LRPAP1: variants seen among roughly 807,000 people sequenced by gnomAD.
LRPAP1 encodes the protein LDL receptor related protein associated protein 1.
A neutral mutation model predicts 39.9 loss-of-function variants in LRPAP1; 41 were observed. The observed-to-expected ratio is 1.03, with a 90% CI of 0.80 to 1.33. The LOEUF is 1.33. Ranked by LOEUF, LRPAP1 falls within the 40% of genes most tolerant of loss-of-function variation. The pLI is 0.00. For synonymous variants in LRPAP1, 263 were observed against 212.7 expected (o/e 1.24, Z -2.06); for missense variants, 565 against 482.3 (o/e 1.17, Z -1.61).
chr4:3,505,144 C>G lies in LRPAP1; in HGVS notation c.*7830G>C, dbSNP rs1213349766. On this transcript the variant is annotated 3_prime_UTR_variant, in exon 8 of 8. Transcript: ENST00000650182. ...ACGCAGCCATAGTGGGCTGGCTAAG[C>G]TGCAGGTTGTGCCTGAGCTCACGGA... 1.3e-5 allele frequency among the ~76,000 whole-genome samples: 2 copies of G among 152,160 alleles called. No homozygotes were observed. The highest frequency in any genetic ancestry group is 3.9e-4 in the East Asian group (2 of 5,190).
intron 2 of LRPAP1, among the ~76,000 whole-genome samples, chr4:3,520,499 C>T (rs1029251942): frequency 2.6e-5 from 4 of 152,224 alleles, no homozygotes; most frequent in African/African-American, 7.2e-5. Flanking sequence ...CCCCCTGAGA[C>T]GCAGCTGTCG....
In LRPAP1 at chr4:3,514,498, G is replaced by A. The variant is rs185900015; in HGVS notation, c.1011+254C>T. On this transcript the variant is annotated intron_variant, in intron 7 of 7. Transcript: ENST00000650182. ...CCCATCCTGGTCACAGGAGGACGAGGCAGTGGCCCGCCGGGGCCTGCGCTC... is the reference window on the plus strand; with the variant it reads ...CCCATCCTGGTCACAGGAGGACGAGACAGTGGCCCGCCGGGGCCTGCGCTC... 7.3e-4 allele frequency among the ~76,000 whole-genome samples: 111 copies of A among 152,354 alleles called. No homozygotes were observed. In the East Asian group the frequency reaches 0.018, roughly 24 times the overall value.
intron 5 of LRPAP1, among the ~76,000 whole-genome samples, chr4:3,516,418 C>G (rs1337215930): frequency 1.0e-5 from 1 of 95,614 alleles, no homozygotes; most frequent in Non-Finnish European, 2.4e-5. Flanking sequence ...TTCTCTGTCC[C>G]CTTGGCCAAA....
chr4:3,505,458 G>A lies in LRPAP1; in HGVS notation c.*7516C>T, dbSNP rs762452316. 7.2e-5 allele frequency among the ~76,000 whole-genome samples: 11 copies of A among 152,204 alleles called. No homozygotes were observed. The highest frequency in any genetic ancestry group is 1.3e-4 in the Admixed American group (2 of 15,284). The stretch of plus-strand genomic sequence containing the variant: ...GTACTTCCTTGTCAAGCATGACTCC[G>A]AGCGGCACTTCTTCCACACCGCGCA... On this transcript the variant is annotated 3_prime_UTR_variant, in exon 8 of 8. Transcript: ENST00000650182.
At chr4:3,514,103 G>A (rs1203800844) in intron 7 of LRPAP1, among the ~76,000 whole-genome samples, 1 of 152,252 alleles carries the variant, frequency 6.6e-6, no homozygotes, top group Non-Finnish European at 1.5e-5. Context: ...CTGCCCACGG[G>A]CAAGGGCCAC....
rs1472001119 is a variant in LRPAP1, at chr4:3,506,023, A to G, written c.*6951T>C. Among the ~76,000 whole-genome samples, 1 of 152,140 alleles carries G rather than the reference A, an allele frequency of 6.6e-6. No individual in the cohort carries two copies. Among genetic ancestry groups the G allele is most frequent in the Non-Finnish European group, 1.5e-5 (1 of 68,004 alleles). On this transcript the variant is annotated 3_prime_UTR_variant, in exon 8 of 8. Coordinates refer to ENST00000650182, the MANE Select transcript of LRPAP1 (RefSeq NM_002337.4). The stretch of plus-strand genomic sequence containing the variant: ...AACCCAGCTTAGGGAAGTAAAAAAA[A>G]AATCACTGCATCTCATAATTATTGA...
At chr4:3,518,468 T>C (rs965225562) in intron 4 of LRPAP1, among the ~76,000 whole-genome samples, 1 of 152,220 alleles carries the variant, frequency 6.6e-6, no homozygotes, top group African/African-American at 2.4e-5. Flanking sequence ...TCTGGACCCC[T>C]GCCCTGCCCC....
At chr4:3,523,519 G>C (rs931789830) in intron 2 of LRPAP1, among the ~76,000 whole-genome samples, 2 of 152,146 alleles carry the variant, frequency 1.3e-5, no homozygotes, top group Admixed American at 6.5e-5. Flanking sequence ...TGGGAGAAGA[G>C]GGGTGGCTGG....
At position 3,504,023 on chromosome 4, in the gene LRPAP1, G is replaced by T. The variant is rs56298218; in HGVS notation, c.*8951C>A. The T allele has an allele frequency of 0.012, 1,834 of 152,604 alleles. 17 individuals are homozygous for T. Among genetic ancestry groups the T allele is most frequent in the Middle Eastern group, 0.024 (7 of 294 alleles). The allele number at this position is 152,604 out of a possible 1,614,324, so 9.5% of individuals were successfully genotyped here. A position where few individuals can be genotyped will look rare whatever the true frequency, so the allele number is the denominator to read the frequency against. On this transcript the variant is annotated 3_prime_UTR_variant, in exon 8 of 8. Coordinates refer to ENST00000650182, the MANE Select transcript of LRPAP1 (RefSeq NM_002337.4). ...GACCAGCAGGGTGGGGCAGACACCA[G>T]GCTCCAGCCCAGCCTCAGGTGAGAG...
chr4:3,513,637 C>T (rs1028055687), intron 7 of LRPAP1, among the ~76,000 whole-genome samples: 6 of 152,146 alleles, frequency 3.9e-5, no homozygotes, highest in Non-Finnish European at 8.8e-5. Context: ...AAGCAATGAC[C>T]AGAGAGACTG....
At chr4:3,518,508 C>A (rs1365086610) in intron 4 of LRPAP1, among the ~76,000 whole-genome samples, 3 of 152,192 alleles carry the variant, frequency 2.0e-5, no homozygotes, top group Non-Finnish European at 4.4e-5. Context: ...CCATTTTACT[C>A]CAGCTTTGTG....
chr4:3,530,317 C>CCT lies in LRPAP1; in HGVS notation c.204+1890_204+1891dup, dbSNP rs1260749149. Among the ~76,000 whole-genome samples the CCT allele has an allele frequency of 2.6e-5, 4 of 152,302 alleles. No individual in the cohort carries two copies. The East Asian group carries it at 7.7e-4, about 29-fold the overall frequency. On this transcript the variant is annotated intron_variant, in intron 1 of 7. Transcript: ENST00000650182. ...TAGAACACCCTCACAGCACCGCCAC[C>CCT]CTCCAAGCTTCCGTTATCTGGAAGG...
chr4:3,518,293 C>T lies in LRPAP1; in HGVS notation c.593-101G>A. 1.5e-6 allele frequency: 2 copies of T among 1,294,924 alleles called. 1 individual carries two copies. Among genetic ancestry groups the T allele is most frequent in the Non-Finnish European group, 2.1e-6 (2 of 955,408 alleles). The allele number at this position is 1,294,924 out of a possible 1,614,324, so 80.2% of individuals were successfully genotyped here. A position where few individuals can be genotyped will look rare whatever the true frequency, so the allele number is the denominator to read the frequency against. On this transcript the variant is annotated intron_variant, in intron 4 of 7. Transcript: ENST00000650182. ...CACTGCTGGGGAGCTCAAACTCGCT[C>T]TCATTTCTGGGCTGAAAATGTCCCC...
chr4:3,511,185 A>G lies in LRPAP1; in HGVS notation c.*1789T>C, dbSNP rs770179060. ...CCAACCACTTTGGAATCATCTCTAT[A>G]CTTGGACAACACGCTTCGTAAGATC... On this transcript the variant is annotated 3_prime_UTR_variant, in exon 8 of 8. Coordinates refer to ENST00000650182, the MANE Select transcript of LRPAP1 (RefSeq NM_002337.4). 1.3e-5 allele frequency: 2 copies of G among 152,244 alleles called. No individual in the cohort carries two copies. The highest frequency in any genetic ancestry group is 2.9e-5 in the Non-Finnish European group (2 of 68,044). 9.4% of individuals were successfully genotyped at this position (152,244 alleles called of 1,614,324 possible). A position where few individuals can be genotyped will look rare whatever the true frequency, so the allele number is the denominator to read the frequency against.
In LRPAP1 at chr4:3,505,320, T is replaced by G. The variant is rs1423406827; in HGVS notation, c.*7654A>C. 2.0e-5 allele frequency among the ~76,000 whole-genome samples: 3 copies of G among 152,208 alleles called. No homozygotes were observed. The highest frequency in any genetic ancestry group is 4.4e-5 in the Non-Finnish European group (3 of 68,010). On this transcript the variant is annotated 3_prime_UTR_variant, in exon 8 of 8. Transcript: ENST00000650182. ...CTGGAGCCCAATGCAGGGTGACCCC[T>G]TCCCCCCAGCTCCAAATCCAGCATC...
At chr4:3,524,095 G>A (rs879520017) in intron 2 of LRPAP1, among the ~76,000 whole-genome samples, 2 of 152,170 alleles carry the variant, frequency 1.3e-5, no homozygotes, top group African/African-American at 4.8e-5. Flanking sequence ...TCGACTCTCC[G>A]GAGCAGCCCC....
At chr4:3,532,173 C>G in intron 1 of LRPAP1, 36 bp downstream of exon 1, 1 of 1,546,288 alleles carries the variant, frequency 6.5e-7, no homozygotes, top group Non-Finnish European at 8.7e-7. Flanking sequence ...GCCCCCGCCC[C>G]CAGGCCCCGC....
intron 2 of LRPAP1, among the ~76,000 whole-genome samples, chr4:3,522,642 C>T (rs147185339): frequency 0.55 from 58,551 of 105,736 alleles, 20,346 homozygotes; most frequent in East Asian, 0.83. Context: ...CGCCCCACAC[C>T]CCCTGCCTGG....
At chr4:3,529,643 A>G (rs1318229765) in intron 1 of LRPAP1, among the ~76,000 whole-genome samples, 1 of 152,218 alleles carries the variant, frequency 6.6e-6, no homozygotes, top group Non-Finnish European at 1.5e-5. Context: ...GGAGAGTCAC[A>G]GAAAGTCAAG....
Sources: allele counts gnomAD v4.1 joint callset (sites outside exome capture counted in the v4.1 genomes callset), GRCh38; gene constraint gnomAD v4.1.1; transcripts MANE v1.5; gene names NCBI Gene and HGNC (gene_info 2026-07-23, HGNC 2026-07-21).